RGS10: variants seen among roughly 807,000 people sequenced by gnomAD.
The protein encoded by RGS10 is regulator of G protein signaling 10.
In RGS10, 11 loss-of-function variants were observed where a neutral mutation model predicts 23.5. The ratio of observed to expected loss-of-function variants is 0.47; its 90% confidence interval spans 0.29 to 0.77. The LOEUF (loss-of-function observed/expected upper bound fraction) is 0.77. Among genes scored for constraint, RGS10 ranks in the 30% least tolerant of loss-of-function variants. RGS10 has a pLI of 0.08. For missense variants in RGS10, 180 were observed against 226.3 expected (o/e 0.80, Z 1.31); for synonymous variants, 77 against 83.2 (o/e 0.92, Z 0.41).
At chr10:119,506,531 G>A (rs1018602447) in intron 4 of RGS10, among the ~76,000 whole-genome samples, 1 of 152,232 alleles carries the variant, frequency 6.6e-6, no homozygotes, top group Non-Finnish European at 1.5e-5. Context: ...CACGTGTGGA[G>A]CGGATTGTCC....
rs1376000655 is a variant in RGS10, at chr10:119,538,423, G to A, written c.49+4167C>T. Reference sequence around the variant, plus strand: ...AGCTGCTCTGTCAAGCATGGAGGGTGGGAGGCAGCGAGGCCTAGAAGGGTG... The same window carrying A: ...AGCTGCTCTGTCAAGCATGGAGGGTAGGAGGCAGCGAGGCCTAGAAGGGTG... On this transcript the variant is annotated intron_variant, in intron 1 of 4. Coordinates refer to ENST00000369103, the MANE Select transcript of RGS10 (RefSeq NM_001005339.2). This position sits in a 1 kb window ranked among gnomAD's most constrained non-coding sequence, Gnocchi z 4.5. Among the ~76,000 whole-genome samples the A allele has an allele frequency of 6.6e-6, 1 of 152,226 alleles. No individual in the cohort carries two copies. Among genetic ancestry groups the A allele is most frequent in the East Asian group, 1.9e-4 (1 of 5,200 alleles).
intron 4 of RGS10, among the ~76,000 whole-genome samples, chr10:119,512,776 G>A (rs1162436255): frequency 1.3e-5 from 2 of 152,172 alleles, no homozygotes; most frequent in Non-Finnish European, 2.9e-5. Flanking sequence ...TGGAACTCCT[G>A]ACCTCAGGTG....
Position 119,512,786 on chromosome 10 carries a change from G to T in RGS10, c.399+2723C>A, listed in dbSNP as rs144659642. On this transcript the variant is annotated intron_variant, in intron 4 of 4. Transcript: ENST00000369103. ...TGCTCTGGAACTCCTGACCTCAGGT[G>T]ATCCACACGCCTTGGCCTCCCAAAG... is the stretch of plus-strand genomic sequence containing the variant. Among the ~76,000 whole-genome samples the T allele has an allele frequency of 2.7e-3, 414 of 152,338 alleles. 3 individuals are homozygous for T. The highest frequency in any genetic ancestry group is 9.2e-3 in the African/African-American group (381 of 41,590).
chr10:119,502,486 T>G (rs1410375028), intron 4 of RGS10, among the ~76,000 whole-genome samples: 1 of 152,174 alleles, frequency 6.6e-6, no homozygotes, highest in East Asian at 1.9e-4. Context: ...GCGTCTCGTG[T>G]GAAGTCTGCA....
At chr10:119,512,586 C>T (rs1275181723) in intron 4 of RGS10, among the ~76,000 whole-genome samples, 1 of 151,842 alleles carries the variant, frequency 6.6e-6, no homozygotes. Context: ...CTCACTCTGT[C>T]GCTCAGGCTG....
intron 4 of RGS10, among the ~76,000 whole-genome samples, chr10:119,511,600 C>T (rs887766166): frequency 6.6e-6 from 1 of 152,156 alleles, no homozygotes; most frequent in Non-Finnish European, 1.5e-5. Context: ...GCCTGGGTGA[C>T]AGAACAGGAC....
At chr10:119,532,989 G>A (rs1384422735) in intron 1 of RGS10, among the ~76,000 whole-genome samples, 11 of 144,552 alleles carry the variant, frequency 7.6e-5, no homozygotes, top group African/African-American at 2.3e-4. Flanking sequence ...ACAGTGAGCC[G>A]ATATTGCGCC....
chr10:119,514,432 T>C (rs998599276), intron 4 of RGS10, among the ~76,000 whole-genome samples: 3 of 149,842 alleles, frequency 2.0e-5, no homozygotes, highest in African/African-American at 7.4e-5. Context: ...CCAAGGAGGG[T>C]GGATCACTTG....
intron 1 of RGS10, among the ~76,000 whole-genome samples, chr10:119,530,359 G>C (rs1844320039): frequency 6.6e-6 from 1 of 152,132 alleles, no homozygotes; most frequent in Non-Finnish European, 1.5e-5. Flanking sequence ...GAAACTACCA[G>C]GATTTTAGAC....
chr10:119,510,232 A>G (rs1330240090), intron 4 of RGS10, among the ~76,000 whole-genome samples: 1 of 151,980 alleles, frequency 6.6e-6, no homozygotes, highest in African/African-American at 2.4e-5. Context: ...CTGCAATTAA[A>G]CTGTCTACCA....
Position 119,524,058 on chromosome 10 carries a change from T to A in RGS10, c.255+1974A>T, listed in dbSNP as rs757036872. ...ACCCCCTCCCAATCTCAATGCCAAG[T>A]CTCAGCTAAAAAGCCACTTCCCCTG... On this transcript the variant is annotated intron_variant, in intron 3 of 4. Coordinates refer to ENST00000369103, the MANE Select transcript of RGS10 (RefSeq NM_001005339.2). The surrounding 1 kb of genome is among the most constrained non-coding windows in gnomAD (Gnocchi z 5.2). 5.9e-5 allele frequency among the ~76,000 whole-genome samples: 9 copies of A among 152,100 alleles called. No individual in the cohort carries two copies. Among genetic ancestry groups the A allele is most frequent in the Admixed American group, 1.3e-4 (2 of 15,268 alleles).
At position 119,526,110 on chromosome 10, in the gene RGS10, T is replaced by A. The variant is rs1564714235; in HGVS notation, c.177A>T (p.Leu59Phe). 6 of 1,536,956 alleles carry A rather than the reference T, an allele frequency of 3.9e-6. No homozygotes were observed. Among genetic ancestry groups the A allele is most frequent in the South Asian group, 1.2e-5 (1 of 82,458 alleles). ...PEGVKRFREF[L>F]KKEFSEENVL... ...CATTTTCTTCACTGAATTCCTTTTT[T>A]AAAAATTCCTGTGGATACAAAGAAA... The change falls in exon 3 of 5, where the codon TTA becomes TTT. Residue 59 changes from leucine (L) to phenylalanine (F), a missense_variant. Physicochemically the swap from Leu to Phe is conservative, Grantham distance 22 (BLOSUM62 0). Coordinates refer to ENST00000369103, the MANE Select transcript of RGS10 (RefSeq NM_001005339.2).
At chr10:119,503,825 C>G (rs1843979214) in intron 4 of RGS10, among the ~76,000 whole-genome samples, 1 of 152,208 alleles carries the variant, frequency 6.6e-6, no homozygotes, top group South Asian at 2.1e-4. Context: ...CACAAGGACA[C>G]TAGTCAGATT....
rs200276250 is a variant in RGS10 at position 119,500,192 on chromosome 10, T to C, written c.467A>G (p.Lys156Arg). ...FLKSDLFLKH[K>R]RTEEEEEDLP... is the part of the protein sequence containing the mutation. ...ATCTTCTTCCTCTTCCTCGGTTCGC[T>C]TGTGTTTTAAAAACAAGTCAGACTT... Residue 156 changes from lysine to arginine, a missense_variant, in exon 5 of 5, where the codon AAG becomes AGG. Transcript: ENST00000369103. 6.2e-7 allele frequency: 1 copy of C among 1,614,094 alleles called. No individual in the cohort carries two copies. The highest frequency in any genetic ancestry group is 1.7e-5 in the Admixed American group (1 of 60,004).
chr10:119,520,721 A>G (rs922630377), intron 3 of RGS10, among the ~76,000 whole-genome samples: 1 of 151,992 alleles, frequency 6.6e-6, no homozygotes, highest in Non-Finnish European at 1.5e-5. Flanking sequence ...CCCCCCAGGA[A>G]GAGACTAGAG....
rs1209738910 is a variant in RGS10 at position 119,524,547 on chromosome 10, G to A, written c.255+1485C>T. Among the ~76,000 whole-genome samples the A allele has an allele frequency of 6.6e-6, 1 of 152,096 alleles. No individual in the cohort carries two copies. The highest frequency in any genetic ancestry group is 1.5e-5 in the Non-Finnish European group (1 of 68,018). ...TGGCACAGTCTAGCATTTATCGATGGTGGTCCCCAGGCCCTGTCCTCGGTG... is the reference window on the plus strand; with the variant it reads ...TGGCACAGTCTAGCATTTATCGATGATGGTCCCCAGGCCCTGTCCTCGGTG... On this transcript the variant is annotated intron_variant, in intron 3 of 4. Transcript: ENST00000369103. This position sits in a 1 kb window ranked among gnomAD's most constrained non-coding sequence, Gnocchi z 5.2.
chr10:119,501,811 G>A (rs552319713), intron 4 of RGS10, among the ~76,000 whole-genome samples: 1 of 152,302 alleles, frequency 6.6e-6, no homozygotes, highest in South Asian at 2.1e-4. Flanking sequence ...AGGATGGGAG[G>A]TGCTTCAGGA....
At chr10:119,536,443 G>A in intron 1 of RGS10, 3 of 1,611,974 alleles carry the variant, frequency 1.9e-6, no homozygotes, top group Non-Finnish European at 2.5e-6. Flanking sequence ...GACATGGAAA[G>A]GGGTGGGGGC....
chr10:119,523,580 A>G (rs749152905), intron 3 of RGS10, among the ~76,000 whole-genome samples: 8 of 152,092 alleles, frequency 5.3e-5, no homozygotes, highest in Non-Finnish European at 8.8e-5. Context: ...CAGGAGGATC[A>G]CCTGAACCCA....
Sources: gnomAD v4.1 joint callset for allele counts (sites outside exome capture counted in the v4.1 genomes callset) on GRCh38, gnomAD v4.1.1 for gene constraint, Gnocchi (gnomAD v3.1) non-coding constraint, MANE v1.5 for transcripts, NCBI Gene and HGNC (gene_info 2026-07-23, HGNC 2026-07-21) for gene names.